Variants in BIN3 observed in about 807,000 individuals in gnomAD.
BIN3 encodes the protein bridging integrator 3.
In BIN3, 41 loss-of-function variants were observed where a neutral mutation model predicts 38.2. That is an observed-to-expected ratio of 1.07 (90% CI 0.84 to 1.39). The LOEUF is 1.39. BIN3 is among the 40% of genes most tolerant of loss of function. The pLI is 0.00. For missense variants in BIN3, 361 were observed against 324.3 expected, an observed-to-expected ratio of 1.11 and a Z score of -0.87; for synonymous variants, 145 against 122.6, an observed-to-expected ratio of 1.18 and a Z score of -1.21.
chr8:22,625,759 C>T (rs1462895277), intron 6 of BIN3: 4 of 205,632 alleles, frequency 1.9e-5, no homozygotes, highest in African/African-American at 6.7e-5. Context: ...AGCTAATTTT[C>T]GTATTTTTAG....
At position 22,630,298 on chromosome 8, in the gene BIN3, T is replaced by C. The variant is rs946956423; in HGVS notation, c.297+144A>G. 5 of 1,229,706 alleles carry C rather than the reference T, an allele frequency of 4.1e-6. No individual in the cohort carries two copies. The East Asian group carries it at 1.2e-4, about 29-fold the overall frequency. The allele number at this position is 1,229,706 out of a possible 1,614,324, so 76.2% of individuals were successfully genotyped here. On this transcript the variant is annotated intron_variant, in intron 5 of 8. Transcript: ENST00000276416. ...CAGTCTGGAAAGAGCCCTGTGGGCT[T>C]GCAGCACCTTGCAGCACACGAGGCC...
intron 8 of BIN3, among the ~76,000 whole-genome samples, chr8:22,623,034 G>C (rs550087114): frequency 6.6e-6 from 1 of 152,222 alleles, no homozygotes; most frequent in East Asian, 1.9e-4. Context: ...CGGGCCTGCA[G>C]GAAATGGCCA....
intron 1 of BIN3, among the ~76,000 whole-genome samples, chr8:22,649,575 A>T (rs1207253295): frequency 6.6e-6 from 1 of 152,136 alleles, no homozygotes; most frequent in Non-Finnish European, 1.5e-5. Flanking sequence ...TATATTTTTT[A>T]AATTTACAGT....
At chr8:22,662,060 G>T (rs189037230) in intron 1 of BIN3, among the ~76,000 whole-genome samples, 1 of 152,216 alleles carries the variant, frequency 6.6e-6, no homozygotes. Flanking sequence ...CTCCCAAAGC[G>T]CTGGGATTAC....
At chr8:22,661,523 A>G (rs1318817317) in intron 1 of BIN3, among the ~76,000 whole-genome samples, 1 of 151,016 alleles carries the variant, frequency 6.6e-6, no homozygotes, top group African/African-American at 2.4e-5. Context: ...ACGCCTGGCT[A>G]ATCTTTGTAT....
At chr8:22,622,443 G>A (rs1460234795) in intron 8 of BIN3, 1 of 152,378 alleles carries the variant, frequency 6.6e-6, no homozygotes, top group East Asian at 1.9e-4. Context: ...AAGTGAGCTG[G>A]TCTCAACACA....
At chr8:22,639,404 T>A (rs980808151) in intron 2 of BIN3, among the ~76,000 whole-genome samples, 1 of 152,058 alleles carries the variant, frequency 6.6e-6, no homozygotes, top group African/African-American at 2.4e-5. Context: ...GCTAATTTTT[T>A]AAATTTTAGT....
At chr8:22,640,776 T>C (rs1279927478) in intron 2 of BIN3, among the ~76,000 whole-genome samples, 2 of 151,992 alleles carry the variant, frequency 1.3e-5, no homozygotes, top group African/African-American at 4.8e-5. Context: ...TGGGGACTGC[T>C]TGGACTTGTA....
chr8:22,636,603 G>T lies in BIN3; in HGVS notation c.99-17C>A. 6.4e-7 allele frequency: 1 copy of T among 1,550,946 alleles called. No homozygotes were observed. The highest frequency in any genetic ancestry group is 8.7e-7 in the Non-Finnish European group (1 of 1,146,958). On this transcript the variant is annotated splice_polypyrimidine_tract_variant and intron_variant, in intron 3 of 8. Transcript: ENST00000276416. ...TCTTCCAGCCTGCAAGGCAGGGGAC[G>T]GGCTGCTTGGGGTCCCCTTCCTTCC...
chr8:22,656,224 T>C (rs1469932071), intron 1 of BIN3, among the ~76,000 whole-genome samples: 1 of 14,182 alleles, frequency 7.1e-5, no homozygotes, highest in Non-Finnish European at 1.3e-4. Flanking sequence ...GTCTTAAGGG[T>C]TTTTTTTTTT....
chr8:22,626,074 A>C (rs1801995484), intron 6 of BIN3: 1 of 152,494 alleles, frequency 6.6e-6, no homozygotes, highest in African/African-American at 2.4e-5. Flanking sequence ...CTACCTCAAC[A>C]GTGTCCATAA....
intron 1 of BIN3, among the ~76,000 whole-genome samples, chr8:22,659,445 G>T (rs1803161169): frequency 6.6e-6 from 1 of 152,226 alleles, no homozygotes; most frequent in Admixed American, 6.5e-5. Context: ...CAGCTCAGCT[G>T]TGATCCCTCC....
intron 1 of BIN3, among the ~76,000 whole-genome samples, chr8:22,664,841 CAT>C (rs1333345904): frequency 1.3e-5 from 2 of 152,216 alleles, no homozygotes; most frequent in Admixed American, 6.5e-5. Context: ...GCACTCTACA[CAT>C]GTGAGACAGC....
intron 2 of BIN3, among the ~76,000 whole-genome samples, chr8:22,641,566 C>T (rs1000581370): frequency 9.2e-5 from 14 of 152,132 alleles, no homozygotes; most frequent in African/African-American, 3.4e-4. Flanking sequence ...TCTGGGAAGC[C>T]CCTCCTTCAA....
intron 4 of BIN3, among the ~76,000 whole-genome samples, chr8:22,633,280 G>A (rs1441105142): frequency 2.0e-5 from 3 of 152,128 alleles, no homozygotes; most frequent in Admixed American, 2.0e-4. Flanking sequence ...GACCAGCCTG[G>A]ATGACACAGT....
intron 8 of BIN3, among the ~76,000 whole-genome samples, chr8:22,621,971 TA>T (rs1164951265): frequency 6.6e-6 from 1 of 152,234 alleles, no homozygotes; most frequent in Non-Finnish European, 1.5e-5. Context: ...CCCAAAGCCC[TA>T]AGCCAGCTTT....
At chr8:22,639,299 A>C (rs997245728) in intron 2 of BIN3, among the ~76,000 whole-genome samples, 7 of 151,288 alleles carry the variant, frequency 4.6e-5, no homozygotes, top group African/African-American at 1.7e-4. Context: ...TGGTGGCATC[A>C]TGGCTCACTG....
At chr8:22,635,807 A>T (rs1251589335) in intron 4 of BIN3, among the ~76,000 whole-genome samples, 3 of 152,028 alleles carry the variant, frequency 2.0e-5, no homozygotes, top group Non-Finnish European at 4.4e-5. Flanking sequence ...TGGAGAAAGA[A>T]CCTCAAGGAA....
At chr8:22,633,001 G>A (rs989047840) in intron 4 of BIN3, among the ~76,000 whole-genome samples, 11 of 152,162 alleles carry the variant, frequency 7.2e-5, no homozygotes, top group African/African-American at 1.9e-4. Flanking sequence ...GAGCCACTGC[G>A]CCCAGCCCAG....
Sources: allele counts gnomAD v4.1 joint callset (sites outside exome capture counted in the v4.1 genomes callset), GRCh38; gene constraint gnomAD v4.1.1; transcripts MANE v1.5; gene names NCBI Gene and HGNC (gene_info 2026-07-23, HGNC 2026-07-21).